The following SPATA9 variants were observed in gnomAD, a reference collection of about 807,000 sequenced individuals.
The protein encoded by SPATA9 is spermatogenesis associated 9.
SPATA9 carries 27 observed loss-of-function variants against 25.5 expected under a neutral mutation model. That is an observed-to-expected ratio of 1.06 (90% CI 0.78 to 1.46). The LOEUF (loss-of-function observed/expected upper bound fraction) is 1.46. Ranked by LOEUF, SPATA9 falls within the 40% of genes most tolerant of loss-of-function variation. The probability of loss-of-function intolerance (pLI) is 0.00; values close to 1 mark genes in which losing one functional copy is unlikely to be tolerated. For synonymous variants in SPATA9, 102 were observed against 105.7 expected (o/e 0.97, Z 0.21); for missense variants, 282 against 297.5 (o/e 0.95, Z 0.38).
intron 3 of SPATA9, among the ~76,000 whole-genome samples, chr5:95,667,898 A>G (rs1201260859): frequency 6.6e-6 from 1 of 152,066 alleles, no homozygotes; most frequent in East Asian, 1.9e-4. Flanking sequence ...TTCTCATGAT[A>G]TCTAGTTGTA....
At chr5:95,713,296 T>C in the SPATA9 span, among the ~76,000 whole-genome samples, 1,903 of 151,822 alleles carry the variant, frequency 0.013, 22 homozygotes, top group African/African-American at 0.042. Flanking sequence ...TGGTTTGGAT[T>C]TGTGTCCCCA....
Position 95,663,979 on chromosome 5 carries a change from C to G in SPATA9, c.448G>C (p.Ala150Pro). The change falls in exon 4 of 5, where the codon GCT (alanine) becomes CCT (proline). Residue 150 changes from alanine (A) to proline (P), a missense_variant. Transcript: ENST00000274432. ...AKTALTSIIYASYAALIYLAV... is the reference protein window; with the variant it reads ...AKTALTSIIYPSYAALIYLAV... ...AAATAAATTAGTGCTGCATATGAAG[C>G]ATATATTATGCTAGTTAAAGCAGTC... The G allele has an allele frequency of 6.3e-7, 1 of 1,589,350 alleles. No homozygotes were observed. The highest frequency in any genetic ancestry group is 8.6e-7 in the Non-Finnish European group (1 of 1,165,318).
chr5:95,710,763 G>A, the SPATA9 span, among the ~76,000 whole-genome samples: 4 of 152,194 alleles, frequency 2.6e-5, no homozygotes. Context: ...TTGGATAGCC[G>A]CCACTAAGAT....
downstream of SPATA9, chr5:95,654,210 A>G: frequency 6.2e-7 from 1 of 1,613,214 alleles, no homozygotes; most frequent in Non-Finnish European, 8.5e-7. Flanking sequence ...AAGGGAGAAT[A>G]TCATGCTATG....
At chr5:95,728,987 A>G in the SPATA9 span, among the ~76,000 whole-genome samples, 1 of 152,212 alleles carries the variant, frequency 6.6e-6, no homozygotes, top group Non-Finnish European at 1.5e-5. Context: ...CAATGTCAGG[A>G]AGTTACCCTA....
rs1299151168 is a variant in SPATA9, at chr5:95,682,587, G to A, written c.91C>T (p.Leu31Phe). The A allele has an allele frequency of 1.9e-6, 3 of 1,613,698 alleles. No homozygotes were observed. In the South Asian group the frequency reaches 3.3e-5, roughly 18 times the overall value. Residue 31 changes from leucine to phenylalanine, a missense_variant, in exon 2 of 5, where the codon CTT becomes TTT. Physicochemically the swap from Leu to Phe is conservative, Grantham distance 22. Transcript: ENST00000274432. ...AATTCATCTTTAAACTCATCTACAAGGTCCATGATTGCTTTCTGGATCCCC... is the reference window on the plus strand; with the variant it reads ...AATTCATCTTTAAACTCATCTACAAAGTCCATGATTGCTTTCTGGATCCCC... ...IEGIQKAIMD[L>F]VDEFKDEFPT... is the part of the protein sequence containing the mutation.
chr5:95,653,336 G>C (rs1750477014), downstream of SPATA9: 14 of 1,346,346 alleles, frequency 1.0e-5, no homozygotes, highest in Non-Finnish European at 1.4e-5. Context: ...TTAGCCAAGA[G>C]GCTGAAGACT....
At chr5:95,698,886 A>G (rs978194372), upstream of SPATA9, among the ~76,000 whole-genome samples, 4 of 152,210 alleles carry the variant, frequency 2.6e-5, no homozygotes, top group African/African-American at 9.7e-5. Flanking sequence ...ACTCAACTCA[A>G]TTACTAAAAA....
chr5:95,672,373 A>G (rs546510137), intron 3 of SPATA9, among the ~76,000 whole-genome samples: 1 of 151,984 alleles, frequency 6.6e-6, no homozygotes, highest in Non-Finnish European at 1.5e-5. Flanking sequence ...AAACATAAAG[A>G]TTGGTCTCAG....
chr5:95,693,449 T>C (rs951179199), intron 1 of SPATA9, among the ~76,000 whole-genome samples: 10 of 152,234 alleles, frequency 6.6e-5, no homozygotes, highest in African/African-American at 2.4e-4. Context: ...GATGTAATAA[T>C]TTTGAATGAG....
downstream of SPATA9, chr5:95,657,470 TC>T (rs1750832163): frequency 6.6e-6 from 1 of 151,878 alleles, no homozygotes; most frequent in African/African-American, 2.4e-5. Flanking sequence ...GATGATGAAT[TC>T]AGAGTGAGAA....
chr5:95,682,331 T>C (rs1040385664), intron 2 of SPATA9, among the ~76,000 whole-genome samples, 197 bp downstream of exon 2: 3 of 152,228 alleles, frequency 2.0e-5, no homozygotes, highest in African/African-American at 7.2e-5. Context: ...TCTACCTCAC[T>C]TCTTGGTCCA....
upstream of SPATA9, among the ~76,000 whole-genome samples, chr5:95,700,614 G>C (rs1428587580): frequency 6.6e-6 from 1 of 151,896 alleles, no homozygotes; most frequent in Non-Finnish European, 1.5e-5. Context: ...TTTTTTTAGA[G>C]ATGGGATTTT....
At chr5:95,684,187 T>C (rs1753663190), upstream of SPATA9, among the ~76,000 whole-genome samples, 1 of 152,140 alleles carries the variant, frequency 6.6e-6, no homozygotes, top group East Asian at 1.9e-4. Flanking sequence ...ATTTGGAAAG[T>C]GCAATCCATC....
chr5:95,731,875 G>A, the SPATA9 span: 1 of 1,612,966 alleles, frequency 6.2e-7, no homozygotes, highest in Non-Finnish European at 8.5e-7. Flanking sequence ...CCACATCGTG[G>A]CGCTGGGGAA....
the SPATA9 span, chr5:95,708,777 T>C: frequency 3.3e-6 from 2 of 613,710 alleles, no homozygotes; most frequent in African/African-American, 1.8e-5. Context: ...ATAGATCGAC[T>C]GCAAAGGTGA....
intron 1 of SPATA9, chr5:95,698,580 T>C (rs1404767577): frequency 1.3e-5 from 2 of 152,202 alleles, no homozygotes; most frequent in Non-Finnish European, 2.9e-5. Flanking sequence ...GAGCTTTTCC[T>C]ATCTTACCTT....
chr5:95,721,355 G>A, the SPATA9 span, among the ~76,000 whole-genome samples: 4 of 152,152 alleles, frequency 2.6e-5, no homozygotes, highest in African/African-American at 9.7e-5. Context: ...GAGTGTCCTT[G>A]TCCTACCCAG....
intron 1 of SPATA9, among the ~76,000 whole-genome samples, chr5:95,692,232 A>C (rs1753912667): frequency 6.6e-6 from 1 of 152,096 alleles, no homozygotes; most frequent in Non-Finnish European, 1.5e-5. Context: ...AATATTTCAA[A>C]TTTCTTTTTC....
Sources: allele counts gnomAD v4.1 joint callset (sites outside exome capture counted in the v4.1 genomes callset), GRCh38; gene constraint gnomAD v4.1.1; transcripts MANE v1.5; gene names NCBI Gene and HGNC (gene_info 2026-07-23, HGNC 2026-07-21).